NPHP4: variants seen among roughly 807,000 people sequenced by gnomAD.
NPHP4 encodes the protein nephrocystin 4.
Under a neutral mutation model 155.8 loss-of-function variants are expected in NPHP4, and 151 were observed. The observed-to-expected ratio is 0.97, with a 90% CI of 0.85 to 1.11. NPHP4 has a LOEUF of 1.11. Ranked by LOEUF, NPHP4 falls within the 50% of genes least tolerant of loss-of-function variation. The pLI, the probability that NPHP4 is intolerant of heterozygous loss-of-function variation, is 0.00. For missense variants in NPHP4, 1,956 were observed against 1,925.7 expected (o/e 1.02, Z -0.29); for synonymous variants, 845 against 816.8 (o/e 1.03, Z -0.59).
chr1:5,975,040 G>T (rs1224390612), intron 3 of NPHP4, among the ~76,000 whole-genome samples: 1 of 152,210 alleles, frequency 6.6e-6, no homozygotes, highest in Non-Finnish European at 1.5e-5. Context: ...GGCAAAGGGT[G>T]TTTTACGAAC....
chr1:5,985,361 C>A (rs1018720239), intron 2 of NPHP4, among the ~76,000 whole-genome samples: 1 of 152,232 alleles, frequency 6.6e-6, no homozygotes. Flanking sequence ...CACAGAAGCA[C>A]CAGCTTGTCC....
At chr1:5,927,864 C>T in intron 10 of NPHP4, 77 bp from the exon 11 acceptor site, 2 of 1,465,372 alleles carry the variant, frequency 1.4e-6, no homozygotes, top group South Asian at 2.6e-5. Flanking sequence ...CCAGGAACAG[C>T]AGGCTCTGCC....
chr1:5,870,684 C>A (rs1641905622), intron 23 of NPHP4, among the ~76,000 whole-genome samples: 1 of 152,198 alleles, frequency 6.6e-6, no homozygotes, highest in African/African-American at 2.4e-5. Flanking sequence ...ACAGTAACAT[C>A]GCCAGTAACA....
At chr1:5,973,508 G>C (rs1652965742) in intron 3 of NPHP4, among the ~76,000 whole-genome samples, 1 of 152,178 alleles carries the variant, frequency 6.6e-6, no homozygotes, top group Non-Finnish European at 1.5e-5. Flanking sequence ...GATCACTTGA[G>C]CCCAGGAGTC....
At chr1:5,919,651 C>A (rs1645638726) in intron 11 of NPHP4, among the ~76,000 whole-genome samples, 1 of 152,154 alleles carries the variant, frequency 6.6e-6, no homozygotes, top group Non-Finnish European at 1.5e-5. Flanking sequence ...ATGGTAGAGG[C>A]ATAGCCAACA....
intron 20 of NPHP4, chr1:5,875,933 T>G (rs1352269263): frequency 6.6e-6 from 1 of 152,284 alleles, no homozygotes; most frequent in Non-Finnish European, 1.5e-5. Flanking sequence ...ATTTCTGGCT[T>G]AAATGACTTT....
At chr1:5,920,674 C>G (rs1340322692) in intron 11 of NPHP4, among the ~76,000 whole-genome samples, 1 of 152,174 alleles carries the variant, frequency 6.6e-6, no homozygotes, top group Non-Finnish European at 1.5e-5. Flanking sequence ...TTTTTCTTTT[C>G]TGTTGTTTAT....
At chr1:5,914,565 G>A (rs377655007) in intron 11 of NPHP4, among the ~76,000 whole-genome samples, 16 of 152,318 alleles carry the variant, frequency 1.1e-4, no homozygotes, top group African/African-American at 2.2e-4. Flanking sequence ...ATATGCATGC[G>A]CATTGCCAAT....
intron 10 of NPHP4, 127 bp from the exon 11 acceptor site, chr1:5,927,914 C>G: frequency 1.0e-6 from 1 of 964,680 alleles, no homozygotes; most frequent in Non-Finnish European, 1.5e-6. Context: ...CTTCTTGATG[C>G]CACATGTTCT....
At position 5,905,844 on chromosome 1, in the gene NPHP4, G is replaced by T; in HGVS notation, c.1612-61C>A. The T allele has an allele frequency of 6.6e-7, 1 of 1,506,648 alleles. No homozygotes were observed. The allele number at this position is 1,506,648 out of a possible 1,614,324, so 93.3% of individuals were successfully genotyped here. A position where few individuals can be genotyped will look rare whatever the true frequency, so the allele number is the denominator to read the frequency against. On this transcript the variant is annotated intron_variant, in intron 13 of 29. Transcript: ENST00000378156. The surrounding 1 kb of genome is among the most constrained non-coding windows in gnomAD (Gnocchi z 4.0). ...AGGACCCCAACCCGTAACAACCAAC[G>T]GTGCTCAGATCTAAGGGGATTCATC...
At chr1:5,956,714 A>G (rs886695539) in intron 6 of NPHP4, among the ~76,000 whole-genome samples, 1 of 152,208 alleles carries the variant, frequency 6.6e-6, no homozygotes, top group Non-Finnish European at 1.5e-5. Flanking sequence ...CAAACAGATC[A>G]GACCTCCCAG....
chr1:5,969,706 T>G (rs1652218608), intron 3 of NPHP4, among the ~76,000 whole-genome samples: 2 of 152,162 alleles, frequency 1.3e-5, no homozygotes, highest in Non-Finnish European at 2.9e-5. Flanking sequence ...GACACGCACG[T>G]GCTGATCAAT....
intron 22 of NPHP4, chr1:5,873,914 C>A: frequency 4.7e-6 from 1 of 213,702 alleles, no homozygotes; most frequent in Non-Finnish European, 9.4e-6. Context: ...CGCACAACTC[C>A]TGCACGCGTG....
intron 16 of NPHP4, among the ~76,000 whole-genome samples, chr1:5,900,903 G>A (rs113532478): frequency 6.6e-6 from 1 of 152,062 alleles, no homozygotes; most frequent in African/African-American, 2.4e-5. Context: ...GGGCATGGTG[G>A]TGCATGCCTG....
chr1:5,981,220 C>A lies in NPHP4; in HGVS notation c.136-2807G>T, dbSNP rs112094966. On this transcript the variant is annotated intron_variant, in intron 2 of 29. Transcript: ENST00000378156. ...TTCTCAGGCAGGATCCCGTGGCTCCCAGAACCGTCGCTGGCTTGGGCTTCT... is the reference window on the plus strand; with the variant it reads ...TTCTCAGGCAGGATCCCGTGGCTCCAAGAACCGTCGCTGGCTTGGGCTTCT... 3.0e-3 allele frequency among the ~76,000 whole-genome samples: 451 copies of A among 152,274 alleles called. 3 individuals are homozygous for A. The highest frequency in any genetic ancestry group is 0.01 in the African/African-American group (423 of 41,540).
At chr1:5,919,723 T>G (rs1469322179) in intron 11 of NPHP4, among the ~76,000 whole-genome samples, 2 of 151,946 alleles carry the variant, frequency 1.3e-5, no homozygotes, top group Admixed American at 1.3e-4. Flanking sequence ...CAGCTGTGTT[T>G]GTTTGTTTGT....
intron 29 of NPHP4, 92 bp from the exon 30 acceptor site, chr1:5,863,497 G>A (rs1319009855): frequency 2.7e-6 from 4 of 1,500,084 alleles, no homozygotes; most frequent in African/African-American, 1.4e-5. Flanking sequence ...TTATTTCCAA[G>A]GGGAGCTGAC....
intron 17 of NPHP4, among the ~76,000 whole-genome samples, chr1:5,887,879 CG>C (rs1643904076): frequency 6.6e-6 from 1 of 152,176 alleles, no homozygotes; most frequent in African/African-American, 2.4e-5. Flanking sequence ...GAATCCAGGA[CG>C]GAAACCCCAA....
rs555783656 is a variant in NPHP4 at position 5,951,288 on chromosome 1, T to A, written c.810+1412A>T. Among the ~76,000 whole-genome samples the A allele has an allele frequency of 5.9e-5, 9 of 152,332 alleles. No individual in the cohort carries two copies. In the East Asian group the frequency reaches 1.7e-3, roughly 29 times the overall value. ...TGCATTCTGTGCGCTTCTGCGGGAC[T>A]CATCACGAAAAGGGTGTGACGTGAA... On this transcript the variant is annotated intron_variant, in intron 7 of 29. Transcript: ENST00000378156.
Sources: allele counts gnomAD v4.1 joint callset (sites outside exome capture counted in the v4.1 genomes callset), GRCh38; gene constraint gnomAD v4.1.1; non-coding constraint Gnocchi (gnomAD v3.1); transcripts MANE v1.5; gene names NCBI Gene and HGNC (gene_info 2026-07-23, HGNC 2026-07-21).